Variants in ZNF334 observed in about 807,000 individuals in gnomAD.
The protein encoded by ZNF334 is zinc finger protein 334.
In ZNF334, 14 loss-of-function variants were observed where a neutral mutation model predicts 12.4. The observed-to-expected ratio is 1.13, with a 90% CI of 0.74 to 1.76. The LOEUF (loss-of-function observed/expected upper bound fraction) is 1.76. Ranked by LOEUF, ZNF334 falls within the 40% of genes most tolerant of loss-of-function variation. The pLI, the probability that ZNF334 is intolerant of heterozygous loss-of-function variation, is 0.00. For synonymous variants in ZNF334, 273 were observed against 269.6 expected (o/e 1.01, Z -0.12); for missense variants, 797 against 804.5 (o/e 0.99, Z 0.11).
chr20:46,508,614 C>A (rs1420663960), intron 2 of ZNF334, among the ~76,000 whole-genome samples: 1 of 152,170 alleles, frequency 6.6e-6, no homozygotes, highest in South Asian at 2.1e-4. Flanking sequence ...TGGGTGGTCC[C>A]TTCCATCAGG....
the ZNF334 span, chr20:46,464,095 C>T: frequency 4.9e-6 from 3 of 606,174 alleles, no homozygotes; most frequent in South Asian, 2.8e-5. Flanking sequence ...GTGGTTCCTT[C>T]ACTGGGCCCA....
chr20:46,491,687 C>T, the ZNF334 span: 3 of 152,570 alleles, frequency 2.0e-5, no homozygotes, highest in Non-Finnish European at 2.9e-5. Context: ...GACCTTTGTC[C>T]GTCTGTCAGA....
chr20:46,484,366 T>A, the ZNF334 span: 1 of 166,718 alleles, frequency 6.0e-6, no homozygotes, highest in East Asian at 1.9e-4. Flanking sequence ...TATCCTTATA[T>A]CCTGTGTGAT....
At chr20:46,462,717 TAAC>T in the ZNF334 span, among the ~76,000 whole-genome samples, 2 of 152,230 alleles carry the variant, frequency 1.3e-5, no homozygotes, top group Non-Finnish European at 2.9e-5. Flanking sequence ...ACTGCTATAT[TAAC>T]AACTACCAAT....
At chr20:46,477,946 A>C in the ZNF334 span, among the ~76,000 whole-genome samples, 1 of 152,116 alleles carries the variant, frequency 6.6e-6, no homozygotes, top group Non-Finnish European at 1.5e-5. Context: ...TAATCATACC[A>C]CTCCAAGGTC....
At chr20:46,480,040 G>C in the ZNF334 span, among the ~76,000 whole-genome samples, 1 of 152,114 alleles carries the variant, frequency 6.6e-6, no homozygotes, top group African/African-American at 2.4e-5. Flanking sequence ...GTCTTTGCCT[G>C]TAACTTGTCT....
chr20:46,464,299 A>T, the ZNF334 span: 1 of 553,622 alleles, frequency 1.8e-6, no homozygotes. Context: ...ACTCACTGGG[A>T]ATGACAAAGT....
chr20:46,463,364 C>T, the ZNF334 span, among the ~76,000 whole-genome samples: 13 of 152,298 alleles, frequency 8.5e-5, no homozygotes, highest in Non-Finnish European at 1.9e-4. Flanking sequence ...AGACCAAAAC[C>T]ACAGAGCAAG....
chr20:46,503,968 AAAG>A (rs1488432543), intron 4 of ZNF334, among the ~76,000 whole-genome samples: 2 of 152,206 alleles, frequency 1.3e-5, no homozygotes, highest in Admixed American at 6.5e-5. Flanking sequence ...AGGTGTGATA[AAAG>A]AAGAACTTGA....
chr20:46,475,279 T>G, the ZNF334 span, among the ~76,000 whole-genome samples: 1 of 152,110 alleles, frequency 6.6e-6, no homozygotes, highest in African/African-American at 2.4e-5. Flanking sequence ...AACCAAACCT[T>G]GACTTAAACC....
At chr20:46,498,589 C>G (rs944526526), downstream of ZNF334, among the ~76,000 whole-genome samples, 1 of 152,162 alleles carries the variant, frequency 6.6e-6, no homozygotes, top group African/African-American at 2.4e-5. Context: ...TCCTAAACCA[C>G]AAAAACAATG....
intron 2 of ZNF334, among the ~76,000 whole-genome samples, chr20:46,506,821 A>G (rs1376238119): frequency 6.6e-6 from 1 of 152,026 alleles, no homozygotes; most frequent in Non-Finnish European, 1.5e-5. Flanking sequence ...GATTCTTAGA[A>G]CTATGGTAGG....
intron 2 of ZNF334, chr20:46,509,738 G>A: frequency 1.4e-6 from 1 of 693,460 alleles, no homozygotes; most frequent in Non-Finnish European, 2.6e-6. Flanking sequence ...CATGGTGTGT[G>A]GTTTCATCCA....
At chr20:46,510,392 G>A (rs958697934) in intron 2 of ZNF334, among the ~76,000 whole-genome samples, 60 of 151,964 alleles carry the variant, frequency 3.9e-4, no homozygotes, top group Admixed American at 3.9e-3. Context: ...TAGCAAGCTC[G>A]ACAAACAGGT....
intron 2 of ZNF334, 90 bp downstream of exon 2, chr20:46,511,992 A>G: frequency 1.5e-6 from 2 of 1,312,322 alleles, no homozygotes; most frequent in East Asian, 2.3e-5. Context: ...TCTGATGCTG[A>G]ATTTTATACA....
chr20:46,501,919 A>G lies in ZNF334; in HGVS notation c.1420T>C (p.Ser474Pro), dbSNP rs1301929397. 1.2e-6 allele frequency: 2 copies of G among 1,614,092 alleles called. No homozygotes were observed. The highest frequency in any genetic ancestry group is 8.5e-7 in the Non-Finnish European group (1 of 1,180,008). Residue 474 changes from serine to proline, a missense_variant, in exon 5 of 5, where the codon TCA becomes CCA. By Grantham distance (74) the Ser-to-Pro change is moderately conservative. Coordinates refer to ENST00000692313, the MANE Select transcript of ZNF334 (RefSeq NM_001353824.2). The part of the protein sequence containing the change: ...NECGKFFCHK[S>P]TLTIHQRTHT... ...GTTCTCTGATGTATAGTGAGTGTTG[A>G]CTTATGGCAGAAAAATTTCCCACAT...
chr20:46,480,831 T>C, the ZNF334 span, among the ~76,000 whole-genome samples: 1 of 152,048 alleles, frequency 6.6e-6, no homozygotes, highest in Non-Finnish European at 1.5e-5. Flanking sequence ...TTTCACTGGG[T>C]GGCAGGGAAA....
Position 46,512,114 on chromosome 20 carries a change from A to G in ZNF334, c.-12T>C. Reference sequence around the variant, plus strand: ...TTTTTCATTTTCATGTTCTCTTGAGAAAGGGCCAAGAGTGTTGAAAGCAGA... The same window carrying G: ...TTTTTCATTTTCATGTTCTCTTGAGGAAGGGCCAAGAGTGTTGAAAGCAGA... On this transcript the variant is annotated 5_prime_UTR_variant, in exon 2 of 5. Transcript: ENST00000692313. 3.1e-6 allele frequency: 5 copies of G among 1,613,748 alleles called. No homozygotes were observed. The highest frequency in any genetic ancestry group is 4.2e-6 in the Non-Finnish European group (5 of 1,179,724).
chr20:46,502,479 T>G lies in ZNF334; in HGVS notation c.860A>C (p.His287Pro). The G allele has an allele frequency of 6.2e-7, 1 of 1,613,916 alleles. No homozygotes were observed. The stretch of plus-strand genomic sequence containing the variant: ...GCATTCATAGGGTCTCTCTCCAGTA[T>G]GAATTCTTCGGTGTCGAGTGAGGCT... ...KTSLTRHRRI[H>P]TGERPYECSE... Residue 287 changes from histidine (H) to proline (P), a missense_variant, in exon 5 of 5, where the codon CAT (histidine) becomes CCT (proline). By Grantham distance (77) the His-to-Pro change is moderately conservative. Transcript: ENST00000692313.
Sources: allele counts gnomAD v4.1 joint callset (sites outside exome capture counted in the v4.1 genomes callset), GRCh38; gene constraint gnomAD v4.1.1; transcripts MANE v1.5; gene names NCBI Gene and HGNC (gene_info 2026-07-23, HGNC 2026-07-21).